The following WFDC1 variants were observed in gnomAD, a reference collection of about 807,000 sequenced individuals.
WFDC1 encodes WAP four-disulfide core domain 1.
A neutral mutation model predicts 32.9 loss-of-function variants in WFDC1; 39 were observed. The ratio of observed to expected loss-of-function variants is 1.19; its 90% CI spans 0.92 to 1.55. The LOEUF is 1.55. Ranked by LOEUF, WFDC1 falls within the 40% of genes most tolerant of loss-of-function variation. The pLI is 0.00. For missense variants in WFDC1, 386 were observed against 309.5 expected (o/e 1.25, Z -1.85); for synonymous variants, 184 against 137.4 (o/e 1.34, Z -2.37).
At chr16:84,300,251 C>G (rs1008331296) in intron 1 of WFDC1, among the ~76,000 whole-genome samples, 67 of 152,246 alleles carry the variant, frequency 4.4e-4, no homozygotes, top group African/African-American at 1.5e-3. Context: ...GAGGTAACAC[C>G]TGTAGGAGCA....
intron 1 of WFDC1, among the ~76,000 whole-genome samples, chr16:84,296,015 A>G (rs1401637590): frequency 2.0e-5 from 3 of 152,158 alleles, no homozygotes; most frequent in South Asian, 2.1e-4. Context: ...GCAAGTGCTG[A>G]GGAAGCAATA....
intron 1 of WFDC1, 156 bp downstream of exon 1, chr16:84,295,271 T>G (rs1906525343): frequency 2.1e-6 from 2 of 946,284 alleles, no homozygotes; most frequent in Non-Finnish European, 3.0e-6. Flanking sequence ...AGTTGTGTGG[T>G]GGGCAGATGG....
intron 1 of WFDC1, chr16:84,295,417 G>A (rs537916745): frequency 8.1e-6 from 4 of 491,424 alleles, no homozygotes; most frequent in South Asian, 4.1e-5. Context: ...ATCTCATTTC[G>A]GAACCCCAGG....
chr16:84,318,138 G>T, intron 2 of WFDC1, 134 bp from the exon 3 acceptor site: 2 of 772,896 alleles, frequency 2.6e-6, no homozygotes, highest in East Asian at 2.7e-5. Flanking sequence ...GGGTGAAGGT[G>T]TGCCAGGAAC....
intron 4 of WFDC1, among the ~76,000 whole-genome samples, chr16:84,322,529 C>T (rs1022129525): frequency 6.6e-5 from 10 of 152,176 alleles, no homozygotes; most frequent in South Asian, 4.1e-4. Flanking sequence ...TAAAAAACTA[C>T]CGTTACATTT....
At chr16:84,321,464 G>T (rs1254745403) in intron 4 of WFDC1, among the ~76,000 whole-genome samples, 1 of 152,200 alleles carries the variant, frequency 6.6e-6, no homozygotes, top group Non-Finnish European at 1.5e-5. Context: ...GGGGCGAGTT[G>T]TGAGTTCGTT....
intron 5 of WFDC1, among the ~76,000 whole-genome samples, chr16:84,324,702 A>C (rs1908486138): frequency 6.6e-6 from 1 of 152,174 alleles, no homozygotes; most frequent in African/African-American, 2.4e-5. Flanking sequence ...GCTCATATTT[A>C]AGCCTCTGCT....
intron 2 of WFDC1, among the ~76,000 whole-genome samples, chr16:84,315,361 G>C (rs1349392438): frequency 6.6e-6 from 1 of 152,124 alleles, no homozygotes; most frequent in Non-Finnish European, 1.5e-5. Flanking sequence ...TTTGTTCATT[G>C]ACTGTTCTCT....
At chr16:84,295,254 G>T in intron 1 of WFDC1, 139 bp downstream of exon 1, 1 of 1,158,796 alleles carries the variant, frequency 8.6e-7, no homozygotes, top group Non-Finnish European at 1.2e-6. Flanking sequence ...CTATCCGTGT[G>T]TGTCTGAGTT....
chr16:84,327,055 A>T lies in WFDC1; in HGVS notation c.*15+100A>T, dbSNP rs1043615169. On this transcript the variant is annotated intron_variant, in intron 6 of 6. Coordinates refer to ENST00000219454, the MANE Select transcript of WFDC1 (RefSeq NM_021197.4). The stretch of plus-strand genomic sequence containing the variant: ...GGTTGAGGAGCAGGAGGGTGAGAGT[A>T]GCGCTTTCCCTACTGGTAGAATTTG... The T allele has an allele frequency of 2.9e-5, 34 of 1,166,962 alleles. 1 individual carries two copies. In the Admixed American group the frequency reaches 5.7e-4, roughly 19 times the overall value. The allele number at this position is 1,166,962 out of a possible 1,614,324, so 72.3% of individuals were successfully genotyped here.
intron 1 of WFDC1, among the ~76,000 whole-genome samples, chr16:84,309,565 C>T (rs546215487): frequency 1.3e-5 from 2 of 152,088 alleles, no homozygotes; most frequent in East Asian, 3.9e-4. Context: ...CCAGGGGCCG[C>T]CGTAACAAAT....
intron 1 of WFDC1, among the ~76,000 whole-genome samples, chr16:84,300,994 A>G (rs10438618): frequency 0.043 from 6,478 of 151,040 alleles, 424 homozygotes; most frequent in African/African-American, 0.14. Flanking sequence ...AAGGAAAAGG[A>G]GAAGAGACAT....
At chr16:84,318,000 G>A (rs1908058918) in intron 2 of WFDC1, 2 of 370,850 alleles carry the variant, frequency 5.4e-6, no homozygotes, top group Non-Finnish European at 1.0e-5. Context: ...ATTGGAGGGT[G>A]AGACAGGAAG....
intron 1 of WFDC1, among the ~76,000 whole-genome samples, chr16:84,303,839 G>A (rs551294740): frequency 5.1e-4 from 77 of 152,162 alleles, no homozygotes; most frequent in Non-Finnish European, 7.8e-4. Context: ...CCCTCTTCCC[G>A]CAGCCTCTGG....
chr16:84,321,473 T>C lies in WFDC1; in HGVS notation c.562+1902T>C, dbSNP rs565843922. 2.8e-4 allele frequency among the ~76,000 whole-genome samples: 42 copies of C among 152,314 alleles called. No individual in the cohort carries two copies. In the South Asian group the frequency reaches 7.2e-3, roughly 26 times the overall value. On this transcript the variant is annotated intron_variant, in intron 4 of 6. Transcript: ENST00000219454. Reference sequence around the variant, plus strand: ...AGCTGTGGGGCGAGTTGTGAGTTCGTTGGGCTATGCCACCATTTATAATAA... The same window carrying C: ...AGCTGTGGGGCGAGTTGTGAGTTCGCTGGGCTATGCCACCATTTATAATAA...
At chr16:84,317,691 C>T (rs568051336) in intron 2 of WFDC1, 3 of 154,320 alleles carry the variant, frequency 1.9e-5, no homozygotes, top group African/African-American at 4.8e-5. Flanking sequence ...TGCATGTGTA[C>T]CCCCGAACCT....
intron 3 of WFDC1, 65 bp downstream of exon 3, chr16:84,318,420 A>T: frequency 6.5e-7 from 1 of 1,544,438 alleles, no homozygotes; most frequent in Non-Finnish European, 8.9e-7. Flanking sequence ...AGCTGCTTCC[A>T]GAAAGCTGGC....
At chr16:84,309,812 C>G (rs1907502501) in intron 1 of WFDC1, among the ~76,000 whole-genome samples, 1 of 151,536 alleles carries the variant, frequency 6.6e-6, no homozygotes, top group Non-Finnish European at 1.5e-5. Flanking sequence ...ACATGACTTT[C>G]TTGTGTGCAT....
Position 84,329,834 on chromosome 16 carries a change from A to T in WFDC1, c.*528A>T, listed in dbSNP as rs1399572574. The T allele has an allele frequency of 6.6e-6, 1 of 152,220 alleles. No individual in the cohort carries two copies. The highest frequency in any genetic ancestry group is 1.5e-5 in the Non-Finnish European group (1 of 68,056). The allele number at this position is 152,220 out of a possible 1,614,324, so 9.4% of individuals were successfully genotyped here. On this transcript the variant is annotated 3_prime_UTR_variant, in exon 7 of 7. Coordinates refer to ENST00000219454, the MANE Select transcript of WFDC1 (RefSeq NM_021197.4). ...AGGAGGCCACAGAACAATAAAAACA[A>T]CCAAATAAGATGCCGAGTCTCTGGT...
Sources: allele counts gnomAD v4.1 joint callset (sites outside exome capture counted in the v4.1 genomes callset), GRCh38; gene constraint gnomAD v4.1.1; transcripts MANE v1.5; gene names NCBI Gene and HGNC (gene_info 2026-07-23, HGNC 2026-07-21).